ZC3H8: variants seen among roughly 807,000 people sequenced by gnomAD.
The protein encoded by ZC3H8 is zinc finger CCCH-type containing 8.
In ZC3H8, 27 loss-of-function variants were observed where a neutral mutation model predicts 42.5. That is an observed-to-expected ratio of 0.64 (90% confidence interval 0.47 to 0.88). The LOEUF is 0.88. ZC3H8 is among the 40% of genes least tolerant of loss of function. The pLI, the probability that ZC3H8 is intolerant of heterozygous loss-of-function variation, is 0.00. For synonymous variants in ZC3H8, 101 were observed against 110.1 expected (o/e 0.92, Z 0.52); for missense variants, 277 against 336.1 (o/e 0.82, Z 1.37).
chr2:112,240,984 T>TGTGTGC (rs1159922548), intron 2 of ZC3H8, among the ~76,000 whole-genome samples: 34 of 132,442 alleles, frequency 2.6e-4, no homozygotes, highest in African/African-American at 7.7e-4. Flanking sequence ...TGTGTGTGTG[T>TGTGTGC]GCGCGTGTGT....
At chr2:112,249,469 A>T (rs1434113306) in intron 2 of ZC3H8, among the ~76,000 whole-genome samples, 1 of 151,882 alleles carries the variant, frequency 6.6e-6, no homozygotes, top group East Asian at 1.9e-4. Context: ...TTTGATTCGG[A>T]GTCTCGCTTT....
intron 8 of ZC3H8, among the ~76,000 whole-genome samples, chr2:112,219,554 G>A (rs1451549574): frequency 3.9e-5 from 6 of 152,120 alleles, no homozygotes; most frequent in Non-Finnish European, 5.9e-5. Flanking sequence ...TCAGGACCAG[G>A]TTAACTTCCA....
intron 8 of ZC3H8, among the ~76,000 whole-genome samples, chr2:112,218,469 C>T (rs990550937): frequency 1.3e-5 from 2 of 152,094 alleles, no homozygotes; most frequent in African/African-American, 2.4e-5. Flanking sequence ...TGTAGAAAAC[C>T]TCAACACACA....
At chr2:112,237,579 A>T in intron 3 of ZC3H8, among the ~76,000 whole-genome samples, 1 of 145,686 alleles carries the variant, frequency 6.9e-6, no homozygotes, top group South Asian at 2.2e-4. Flanking sequence ...TAAAATTTTA[A>T]TTTTTTTTTT....
intron 2 of ZC3H8, among the ~76,000 whole-genome samples, chr2:112,239,743 C>T (rs950030781): frequency 6.6e-6 from 1 of 152,094 alleles, no homozygotes; most frequent in African/African-American, 2.4e-5. Flanking sequence ...CACCACCATG[C>T]TCAGCTAATT....
chr2:112,226,666 T>G (rs1030988161), intron 8 of ZC3H8, among the ~76,000 whole-genome samples: 3 of 151,438 alleles, frequency 2.0e-5, no homozygotes, highest in African/African-American at 7.3e-5. Context: ...TTTTCATGAA[T>G]TCTTCCAGAA....
chr2:112,239,949 C>G (rs1233307834), intron 2 of ZC3H8, among the ~76,000 whole-genome samples: 1 of 152,086 alleles, frequency 6.6e-6, no homozygotes, highest in Non-Finnish European at 1.5e-5. Context: ...TGATTATAAG[C>G]CTAGAAAATG....
At chr2:112,222,268 T>G (rs551835346) in intron 8 of ZC3H8, among the ~76,000 whole-genome samples, 1 of 152,180 alleles carries the variant, frequency 6.6e-6, no homozygotes, top group African/African-American at 2.4e-5. Context: ...AATCTGTTGT[T>G]GTCTGTTTAC....
At chr2:112,247,114 A>C (rs189823214) in intron 2 of ZC3H8, among the ~76,000 whole-genome samples, 7 of 152,364 alleles carry the variant, frequency 4.6e-5, no homozygotes, top group Admixed American at 4.6e-4. Context: ...CTAACAGAGT[A>C]CTGTATAGTA....
intron 4 of ZC3H8, among the ~76,000 whole-genome samples, chr2:112,235,052 TA>T (rs915345027): frequency 6.6e-6 from 1 of 152,068 alleles, no homozygotes; most frequent in African/African-American, 2.4e-5. Flanking sequence ...ATTTTTACAT[TA>T]AAAAAAGGAA....
intron 8 of ZC3H8, among the ~76,000 whole-genome samples, chr2:112,228,785 TAATAA>T (rs1038769081): frequency 1.3e-5 from 2 of 151,800 alleles, no homozygotes; most frequent in Non-Finnish European, 2.9e-5. Context: ...AAGATACCAT[TAATAA>T]AATAAGACAA....
chr2:112,247,652 G>A (rs1157152598), intron 2 of ZC3H8, among the ~76,000 whole-genome samples: 1 of 152,208 alleles, frequency 6.6e-6, no homozygotes, highest in Non-Finnish European at 1.5e-5. Flanking sequence ...ACATACTTGT[G>A]AGTGAAGAGG....
rs886502531 is a variant in ZC3H8, at chr2:112,221,062, G to C, written c.*16-4594C>G. The stretch of plus-strand genomic sequence containing the variant: ...CTGAAATATGTTTTCCAAGTTGCTT[G>C]GTTTCTCTTCCTCTCTTTCAGGGAC... On this transcript the variant is annotated intron_variant, in intron 8 of 8. Coordinates refer to ENST00000409573, the MANE Select transcript of ZC3H8 (RefSeq NM_032494.3). 3.3e-5 allele frequency among the ~76,000 whole-genome samples: 5 copies of C among 152,274 alleles called. No individual in the cohort carries two copies. The Middle Eastern group carries it at 0.01, about 311-fold the overall frequency.
chr2:112,248,833 G>A (rs2104670033), intron 2 of ZC3H8, among the ~76,000 whole-genome samples: 1 of 152,194 alleles, frequency 6.6e-6, no homozygotes, highest in South Asian at 2.1e-4. Context: ...TAGGGTCATT[G>A]CAAGTGTAAT....
At chr2:112,230,078 C>A (rs1235962005) in intron 8 of ZC3H8, among the ~76,000 whole-genome samples, 4 of 152,004 alleles carry the variant, frequency 2.6e-5, no homozygotes, top group Non-Finnish European at 1.5e-5. Flanking sequence ...AAAACATGGG[C>A]AAAGACATTA....
intron 8 of ZC3H8, among the ~76,000 whole-genome samples, chr2:112,221,405 A>G (rs1038512921): frequency 1.3e-5 from 2 of 152,172 alleles, no homozygotes; most frequent in African/African-American, 4.8e-5. Context: ...ACCTTCTGCC[A>G]TGTCTGTAAG....
chr2:112,217,144 G>A (rs1684362091), intron 8 of ZC3H8, among the ~76,000 whole-genome samples: 1 of 152,134 alleles, frequency 6.6e-6, no homozygotes, highest in Admixed American at 6.5e-5. Context: ...CAAGGCGGGT[G>A]GATCACTTGA....
rs1685107175 is a variant in ZC3H8, at chr2:112,231,866, G to A, written c.815C>T (p.Thr272Ile). 1 of 1,593,422 alleles carries A rather than the reference G, an allele frequency of 6.3e-7. No homozygotes were observed. The highest frequency in any genetic ancestry group is 8.6e-7 in the Non-Finnish European group (1 of 1,166,996). ...AGCCAACAATTCTTGTGTTTCAGGA[G>A]TCAGTGGAGCATGAGAAAACTTGCA... ...EYCKFSHAPL[T>I]PETQELLAKV... The change falls in exon 7 of 9, where the codon ACT (threonine) becomes ATT (isoleucine). Residue 272 changes from threonine (T) to isoleucine (I), a missense_variant. Transcript: ENST00000409573.
Position 112,230,929 on chromosome 2 carries a change from ACTT to A in ZC3H8, c.862_864del (p.Lys288del), listed in dbSNP as rs1685058592. On this transcript the variant is annotated inframe_deletion, in exon 8 of 9. Coordinates refer to ENST00000409573, the MANE Select transcript of ZC3H8 (RefSeq NM_032494.3). ...TTTTTATGTCTATTTTATTTACATGACTTCTTTTCAGTATCCAAAACCTAATAT... is the reference window on the plus strand; with the variant it reads ...TTTTTATGTCTATTTTATTTACATGACTTTTCAGTATCCAAAACCTAATAT... The A allele has an allele frequency of 2.4e-5, 31 of 1,271,410 alleles. No homozygotes were observed. The highest frequency in any genetic ancestry group is 3.2e-5 in the Non-Finnish European group (31 of 969,842). The allele number at this position is 1,271,410 out of a possible 1,614,324, so 78.8% of individuals were successfully genotyped here. A position where few individuals can be genotyped will look rare whatever the true frequency, so the allele number is the denominator to read the frequency against.
Sources: allele counts gnomAD v4.1 joint callset (sites outside exome capture counted in the v4.1 genomes callset), GRCh38; gene constraint gnomAD v4.1.1; transcripts MANE v1.5; gene names NCBI Gene and HGNC (gene_info 2026-07-23, HGNC 2026-07-21).